The following MACROD2 variants were observed in gnomAD, a reference collection of about 807,000 sequenced individuals.
MACROD2 encodes mono-ADP ribosylhydrolase 2.
A neutral mutation model predicts 70.4 loss-of-function variants in MACROD2; 36 were observed. The ratio of observed to expected loss-of-function variants is 0.51; its 90% CI spans 0.39 to 0.68. The LOEUF (loss-of-function observed/expected upper bound fraction) is 0.68, where lower values mean the gene tolerates loss of function less well. Among genes scored for constraint, MACROD2 ranks in the 30% least tolerant of loss-of-function variants. MACROD2 has a pLI of 0.00. For missense variants in MACROD2, 496 were observed against 538.4 expected (o/e 0.92, Z 0.78); for synonymous variants, 172 against 178.8 (o/e 0.96, Z 0.30).
At chr20:15,914,540 ATG>A in intron 10 of MACROD2, among the ~76,000 whole-genome samples, 1 of 152,240 alleles carries the variant, frequency 6.6e-6, no homozygotes, top group African/African-American at 2.4e-5. Context: ...TGAGGATTAC[ATG>A]AGATAACACG....
At chr20:15,043,846 T>C (rs1176423794) in intron 5 of MACROD2, among the ~76,000 whole-genome samples, 1 of 152,144 alleles carries the variant, frequency 6.6e-6, no homozygotes, top group Admixed American at 6.5e-5. Context: ...GAAGACACTT[T>C]ACTTAATATG....
chr20:15,059,411 AAAAG>A (rs1381780780), intron 5 of MACROD2, among the ~76,000 whole-genome samples: 3 of 152,164 alleles, frequency 2.0e-5, no homozygotes, highest in Non-Finnish European at 2.9e-5. Context: ...AAAAGAAAAA[AAAAG>A]AAAAGAATTC....
rs148926684 is a variant in MACROD2, at chr20:14,233,068, G to C, written c.271+147340G>C. ...TGGATAATGGCTGGTCAGTGGAGCA[G>C]TCAGAGCACACACATTTATAGATTA... On this transcript the variant is annotated intron_variant, in intron 3 of 17. Coordinates refer to ENST00000684519, the MANE Select transcript of MACROD2 (RefSeq NM_001351661.2). 3.7e-3 allele frequency among the ~76,000 whole-genome samples: 556 copies of C among 152,306 alleles called. 4 individuals are homozygous for C. The highest frequency in any genetic ancestry group is 5.7e-3 in the Non-Finnish European group (390 of 68,022).
intron 3 of MACROD2, among the ~76,000 whole-genome samples, chr20:14,255,089 G>A (rs1403716145): frequency 3.9e-5 from 6 of 152,148 alleles, no homozygotes; most frequent in Non-Finnish European, 7.4e-5. Flanking sequence ...GGCTTGTAGA[G>A]TTTCTGCTGA....
At chr20:14,577,063 G>C (rs944280442) in intron 4 of MACROD2, among the ~76,000 whole-genome samples, 1 of 152,106 alleles carries the variant, frequency 6.6e-6, no homozygotes, top group Non-Finnish European at 1.5e-5. Context: ...TTCTTTCTGG[G>C]TGTAATTCTG....
intron 8 of MACROD2, among the ~76,000 whole-genome samples, chr20:15,682,562 G>A (rs1182390110): frequency 1.3e-5 from 2 of 152,194 alleles, no homozygotes; most frequent in Non-Finnish European, 2.9e-5. Flanking sequence ...AAACTTGTGA[G>A]CTGACTAAAG....
chr20:15,100,591 C>T (rs1215450693), intron 5 of MACROD2, among the ~76,000 whole-genome samples: 1 of 152,192 alleles, frequency 6.6e-6, no homozygotes, highest in Non-Finnish European at 1.5e-5. Context: ...AATTCTTCAT[C>T]TAACAAATGG....
chr20:14,681,076 T>C (rs1336364861), intron 4 of MACROD2, among the ~76,000 whole-genome samples: 1 of 152,164 alleles, frequency 6.6e-6, no homozygotes, highest in Non-Finnish European at 1.5e-5. Flanking sequence ...GAAATGTGCA[T>C]TGAATACTCC....
At chr20:15,853,811 G>A (rs2064326705) in intron 8 of MACROD2, among the ~76,000 whole-genome samples, 2 of 152,192 alleles carry the variant, frequency 1.3e-5, no homozygotes, top group Non-Finnish European at 2.9e-5. Flanking sequence ...TGCAATGTCA[G>A]ACTTTAGACT....
chr20:15,359,329 T>C (rs2078325196), intron 6 of MACROD2, among the ~76,000 whole-genome samples: 1 of 152,036 alleles, frequency 6.6e-6, no homozygotes, highest in Non-Finnish European at 1.5e-5. Flanking sequence ...GAATGGTAGA[T>C]AATTTGGGAG....
intron 6 of MACROD2, among the ~76,000 whole-genome samples, chr20:15,398,947 T>C (rs1411894303): frequency 1.1e-4 from 17 of 152,128 alleles, no homozygotes; most frequent in Admixed American, 1.1e-3. Context: ...CCTCCCAAAT[T>C]ACTATGATTA....
At chr20:15,233,664 G>A (rs1296645167) in intron 6 of MACROD2, among the ~76,000 whole-genome samples, 3 of 151,700 alleles carry the variant, frequency 2.0e-5, no homozygotes, top group African/African-American at 7.3e-5. Flanking sequence ...ATTTGCTTTA[G>A]GTGGTAAAGG....
intron 10 of MACROD2, among the ~76,000 whole-genome samples, chr20:15,903,180 A>G (rs1224337525): frequency 6.6e-6 from 1 of 152,106 alleles, no homozygotes; most frequent in Non-Finnish European, 1.5e-5. Flanking sequence ...GTTCGAGGCT[A>G]AAAATACAAA....
intron 3 of MACROD2, among the ~76,000 whole-genome samples, chr20:14,221,213 T>C (rs2122167593): frequency 6.6e-6 from 1 of 152,326 alleles, no homozygotes; most frequent in Non-Finnish European, 1.5e-5. Context: ...ATAAATTTAC[T>C]TATCTTGGGG....
intron 4 of MACROD2, among the ~76,000 whole-genome samples, chr20:14,649,108 T>C (rs1016205131): frequency 7.2e-5 from 11 of 152,178 alleles, no homozygotes; most frequent in African/African-American, 2.7e-4. Flanking sequence ...TACTTAGGGC[T>C]TCTACCCCCC....
At chr20:15,730,898 T>TTTTTTTTTTTTTTTTTTTGA (rs1600816802) in intron 8 of MACROD2, among the ~76,000 whole-genome samples, 1 of 60,916 alleles carries the variant, frequency 1.6e-5, no homozygotes, top group African/African-American at 4.5e-5. Flanking sequence ...TATTTTTGTC[T>TTTTTTTTTTTTTTTTTTTGA]GACTAAATTA....
Position 15,968,834 on chromosome 20 carries a change from T to C in MACROD2, c.985+1204T>C, listed in dbSNP as rs954006275. Among the ~76,000 whole-genome samples, 27 of 99,686 alleles carry C rather than the reference T, an allele frequency of 2.7e-4. No homozygotes were observed. In the South Asian group the frequency reaches 4.8e-3, roughly 18 times the overall value. 65.4% of individuals were successfully genotyped at this position (99,686 alleles called of 152,430 possible). ...ATATATATATATATATATATATATA[T>C]ATATACACACATATACATATGGAGA... On this transcript the variant is annotated intron_variant, in intron 13 of 17. Transcript: ENST00000684519.
chr20:15,143,722 G>A (rs993484680), intron 5 of MACROD2, among the ~76,000 whole-genome samples: 1 of 151,412 alleles, frequency 6.6e-6, no homozygotes, highest in Admixed American at 6.6e-5. Flanking sequence ...CAAAATATAT[G>A]ATTTCCTGTA....
intron 3 of MACROD2, among the ~76,000 whole-genome samples, chr20:14,355,931 T>A (rs2083168222): frequency 6.6e-6 from 1 of 152,122 alleles, no homozygotes; most frequent in African/African-American, 2.4e-5. Flanking sequence ...TGGTAGTGTG[T>A]CTTTCCCGAT....
Sources: gnomAD v4.1 joint callset for allele counts (sites outside exome capture counted in the v4.1 genomes callset) on GRCh38, gnomAD v4.1.1 for gene constraint, MANE v1.5 for transcripts, NCBI Gene and HGNC (gene_info 2026-07-23, HGNC 2026-07-21) for gene names.